MAP4: variants seen among roughly 807,000 people sequenced by gnomAD.
MAP4 encodes microtubule-associated protein 4.
Under a neutral mutation model 170.2 loss-of-function variants are expected in MAP4, and 76 were observed. That is an observed-to-expected ratio of 0.45 (90% CI 0.37 to 0.54). The LOEUF (loss-of-function observed/expected upper bound fraction) is 0.54, where lower values mean the gene tolerates loss of function less well. Ranked by LOEUF, MAP4 falls within the 20% of genes least tolerant of loss-of-function variation. The probability of loss-of-function intolerance (pLI) is 0.00; values close to 1 mark genes in which losing one functional copy is unlikely to be tolerated. For missense variants in MAP4, 2,506 were observed against 2,748.0 expected, an observed-to-expected ratio of 0.91 and a Z score of 1.97; for synonymous variants, 909 against 994.5, an observed-to-expected ratio of 0.91 and a Z score of 1.62.
intron 1 of MAP4, among the ~76,000 whole-genome samples, chr3:48,032,137 T>C (rs895868495): frequency 6.6e-6 from 1 of 152,124 alleles, no homozygotes; most frequent in African/African-American, 2.4e-5. Flanking sequence ...GAAACTGTCA[T>C]AGCCAAGAGA....
chr3:48,073,165 G>A (rs1240360526), intron 1 of MAP4, among the ~76,000 whole-genome samples: 1 of 151,728 alleles, frequency 6.6e-6, no homozygotes, highest in East Asian at 1.9e-4. Flanking sequence ...AGCAGAGATT[G>A]TGCCACTGCA....
intron 1 of MAP4, among the ~76,000 whole-genome samples, chr3:48,030,330 C>T (rs189913496): frequency 6.6e-6 from 1 of 151,910 alleles, no homozygotes; most frequent in African/African-American, 2.4e-5. Context: ...AACAGCATAC[C>T]TCACACCCAG....
chr3:47,915,082 C>G (rs1236749642), intron 7 of MAP4, 143 bp from the exon 8 acceptor site: 1 of 926,416 alleles, frequency 1.1e-6, no homozygotes, highest in African/African-American at 1.7e-5. Context: ...TAGTTGGAAG[C>G]TGAAGTTGGG....
intron 10 of MAP4, chr3:47,890,984 G>A (rs1338579674): frequency 7.0e-7 from 1 of 1,423,598 alleles, no homozygotes; most frequent in Admixed American, 2.8e-5. Context: ...CTTCCTTGCT[G>A]TCTGCTTGTT....
At chr3:47,987,694 C>T (rs1447307401) in intron 2 of MAP4, among the ~76,000 whole-genome samples, 3 of 152,230 alleles carry the variant, frequency 2.0e-5, no homozygotes, top group African/African-American at 7.2e-5. Flanking sequence ...CTGTAGCTTT[C>T]CCCATCTCAG....
intron 17 of MAP4, among the ~76,000 whole-genome samples, chr3:47,866,110 G>A (rs1209732933): frequency 2.6e-5 from 4 of 152,156 alleles, no homozygotes; most frequent in African/African-American, 7.2e-5. Context: ...AGGCCAAGGC[G>A]GGCAGATCAC....
At chr3:47,973,379 G>T (rs2100079950) in intron 3 of MAP4, 1 of 985,248 alleles carries the variant, frequency 1.0e-6, no homozygotes. Flanking sequence ...ACTTGGGTGT[G>T]ACCACTATGG....
At chr3:47,901,287 A>G (rs2100029862) in intron 10 of MAP4, among the ~76,000 whole-genome samples, 2 of 152,240 alleles carry the variant, frequency 1.3e-5, no homozygotes, top group African/African-American at 2.4e-5. Context: ...TCTGAAGAGT[A>G]TAGAATGTGT....
intron 10 of MAP4, among the ~76,000 whole-genome samples, chr3:47,897,201 ACTACAAC>A: frequency 6.6e-6 from 1 of 152,166 alleles, no homozygotes; most frequent in East Asian, 1.9e-4. Flanking sequence ...ATCTCGGCTA[ACTACAAC>A]CTCTGCCTCC....
In MAP4 at chr3:47,911,080, T is replaced by C; in HGVS notation, c.3341A>G (p.Asp1114Gly). Reference sequence around the variant, plus strand: ...ATTCAGCCCCAGCTCCTCACTCTTATCCTGAGTAGTCATTCCTTCAGTTTT... The same window carrying C: ...ATTCAGCCCCAGCTCCTCACTCTTACCCTGAGTAGTCATTCCTTCAGTTTT... ...VSKTEGMTTQDKSEELGLNSS... is the reference protein window; with the variant it reads ...VSKTEGMTTQGKSEELGLNSS... The change falls in exon 9 of 21, where the codon GAT (aspartate) becomes GGT (glycine). Residue 1114 changes from aspartate to glycine, a missense_variant. Transcript: ENST00000683076. The surrounding 1 kb of genome is among the most constrained non-coding windows in gnomAD (Gnocchi z 4.0). 1 of 1,536,150 alleles carries C rather than the reference T, an allele frequency of 6.5e-7. No homozygotes were observed. The highest frequency in any genetic ancestry group is 2.4e-5 in the East Asian group (1 of 40,922).
rs1286817859 is a variant in MAP4, at chr3:47,894,775, C to A, written c.5434+8175G>T. 2.6e-5 allele frequency among the ~76,000 whole-genome samples: 4 copies of A among 151,888 alleles called. 1 individual carries two copies. Among genetic ancestry groups the A allele is most frequent in the African/African-American group, 9.7e-5 (4 of 41,362 alleles). ...GTGCCATGGCTCACACCTGTAATCC[C>A]AGCACTTTGGGAGGCTGAGGTGGGC... is the stretch of plus-strand genomic sequence containing the variant. On this transcript the variant is annotated intron_variant, in intron 10 of 20. Transcript: ENST00000683076.
At chr3:48,025,928 A>AATG (rs1415770077) in intron 1 of MAP4, among the ~76,000 whole-genome samples, 1 of 147,870 alleles carries the variant, frequency 6.8e-6, no homozygotes, top group African/African-American at 2.5e-5. Context: ...TAATAATAAT[A>AATG]ATAATAATAA....
intron 1 of MAP4, among the ~76,000 whole-genome samples, chr3:47,999,848 A>T (rs1273451077): frequency 6.3e-4 from 16 of 25,328 alleles, no homozygotes; most frequent in Non-Finnish European, 1.1e-3. Context: ...TAAAGTTTAA[A>T]AAAAAAAAAA....
chr3:47,884,830 A>T (rs1180572007), intron 10 of MAP4, among the ~76,000 whole-genome samples: 1 of 152,130 alleles, frequency 6.6e-6, no homozygotes, highest in Non-Finnish European at 1.5e-5. Flanking sequence ...GAAACCTACG[A>T]AAGTCTCCTG....
At chr3:48,005,846 C>T (rs568399507) in intron 1 of MAP4, among the ~76,000 whole-genome samples, 3 of 152,264 alleles carry the variant, frequency 2.0e-5, no homozygotes, top group South Asian at 2.1e-4. Context: ...TGGTGAGAAC[C>T]GCAGTCACTC....
intron 8 of MAP4, 41 bp from the exon 9 acceptor site, chr3:47,912,462 A>C: frequency 7.0e-7 from 1 of 1,428,716 alleles, no homozygotes; most frequent in African/African-American, 1.4e-5. Flanking sequence ...TTGTTTCTTA[A>C]AAACAACAAA....
rs138440659 is a variant in MAP4, at chr3:47,973,263, G to GA, written c.292+4601dup. On this transcript the variant is annotated intron_variant, in intron 3 of 20. Coordinates refer to ENST00000683076, the MANE Select transcript of MAP4 (RefSeq NM_001385682.1). Reference sequence around the variant, plus strand: ...CATCTTCAACATTGGGCCAAAAAAGGAAAAAAAAAGAGAGAGAGAAAGAGA... The same window carrying GA: ...CATCTTCAACATTGGGCCAAAAAAGGAAAAAAAAAAGAGAGAGAGAAAGAGA... 18,736 of 973,616 alleles carry GA rather than the reference G, an allele frequency of 0.019. 2,452 individuals are homozygous for GA. The African/African-American group carries it at 0.3, about 15-fold the overall frequency. The allele number at this position is 973,616 out of a possible 1,614,324, so 60.3% of individuals were successfully genotyped here.
chr3:47,904,483 TG>T (rs1364606862), intron 9 of MAP4, among the ~76,000 whole-genome samples: 2 of 152,002 alleles, frequency 1.3e-5, no homozygotes, highest in Non-Finnish European at 2.9e-5. Flanking sequence ...AGCTAATTTT[TG>T]TATTTTTAGT....
intron 2 of MAP4, among the ~76,000 whole-genome samples, chr3:47,991,490 G>C (rs2100092163): frequency 6.6e-6 from 1 of 152,104 alleles, no homozygotes; most frequent in Non-Finnish European, 1.5e-5. Context: ...GAGGAACACA[G>C]TCTGACTGTC....
Sources: gnomAD v4.1 joint callset for allele counts (sites outside exome capture counted in the v4.1 genomes callset) on GRCh38, gnomAD v4.1.1 for gene constraint, Gnocchi (gnomAD v3.1) non-coding constraint, MANE v1.5 for transcripts, NCBI Gene and HGNC (gene_info 2026-07-23, HGNC 2026-07-21) for gene names.